Variants in DCAF10 observed in about 807,000 individuals in gnomAD.
DCAF10 encodes the protein DDB1- and CUL4-associated factor 10.
A neutral mutation model predicts 51.9 loss-of-function variants in DCAF10; 19 were observed. That is an observed-to-expected ratio of 0.37 (90% CI 0.26 to 0.54). DCAF10 has a LOEUF of 0.54. Ranked by LOEUF, DCAF10 falls within the 20% of genes least tolerant of loss-of-function variation. The probability of loss-of-function intolerance (pLI) is 0.87; values close to 1 mark genes in which losing one functional copy is unlikely to be tolerated. For synonymous variants in DCAF10, 291 were observed against 297.1 expected, an observed-to-expected ratio of 0.98 and a Z score of 0.21; for missense variants, 510 against 730.6, an observed-to-expected ratio of 0.70 and a Z score of 3.48.
At chr9:37,843,051 A>G (rs1830379602) in intron 3 of DCAF10, among the ~76,000 whole-genome samples, 3 of 152,272 alleles carry the variant, frequency 2.0e-5, no homozygotes, top group Middle Eastern at 3.4e-3. Flanking sequence ...AGGGTCTCGC[A>G]TTGTCACCCA....
At chr9:37,845,365 A>G (rs1830445193) in intron 3 of DCAF10, among the ~76,000 whole-genome samples, 1 of 152,210 alleles carries the variant, frequency 6.6e-6, no homozygotes, top group South Asian at 2.1e-4. Flanking sequence ...CAAGAGAAAA[A>G]AGACATAAAT....
intron 3 of DCAF10, among the ~76,000 whole-genome samples, chr9:37,852,060 C>A (rs1830666901): frequency 6.6e-6 from 1 of 151,810 alleles, no homozygotes; most frequent in African/African-American, 2.4e-5. Context: ...TCAAATGAAT[C>A]CCAGTAAAGA....
At chr9:37,852,930 TTATA>T (rs59469290) in intron 3 of DCAF10, among the ~76,000 whole-genome samples, 1,116 of 109,738 alleles carry the variant, frequency 0.01, 14 homozygotes, top group Middle Eastern at 0.014. Flanking sequence ...GTATGTGAGG[TTATA>T]TATATATATA....
intron 3 of DCAF10, among the ~76,000 whole-genome samples, chr9:37,852,867 A>G (rs1193540307): frequency 3.3e-5 from 5 of 150,052 alleles, no homozygotes; most frequent in Non-Finnish European, 7.4e-5. Flanking sequence ...GTTATTATAT[A>G]TAATTGAAAT....
At chr9:37,842,818 AG>A (rs904260895) in intron 3 of DCAF10, among the ~76,000 whole-genome samples, 3 of 152,220 alleles carry the variant, frequency 2.0e-5, no homozygotes, top group African/African-American at 7.2e-5. Flanking sequence ...TACACAGGTC[AG>A]TGTGCACAGT....
At chr9:37,839,065 C>CTT (rs138919253) in intron 2 of DCAF10, among the ~76,000 whole-genome samples, 19,069 of 148,680 alleles carry the variant, frequency 0.13, 1,352 homozygotes, top group Non-Finnish European at 0.16. Context: ...TTTTCTTTTT[C>CTT]TTTTTTTTGA....
Position 37,829,306 on chromosome 9 carries a change from C to T in DCAF10, c.653+9905C>T, listed in dbSNP as rs13440073. Among the ~76,000 whole-genome samples, 11 of 151,790 alleles carry T rather than the reference C, an allele frequency of 7.2e-5. No homozygotes were observed. Among genetic ancestry groups the T allele is most frequent in the Admixed American group, 2.0e-4 (3 of 15,246 alleles). ...AATACAAAAATTAGCCGGGCATGGT[C>T]GTGCATGCCTGTAATCCCAGCTACT... On this transcript the variant is annotated intron_variant, in intron 2 of 6. Coordinates refer to ENST00000377724, the MANE Select transcript of DCAF10 (RefSeq NM_024345.5). This position sits in a 1 kb window ranked among gnomAD's most constrained non-coding sequence, Gnocchi z 4.2.
Position 37,861,315 on chromosome 9 carries a change from G to A in DCAF10, c.1487G>A (p.Arg496His). ...MISSPHGYGI[R>H]LLGFDKQCSE... ...TCTTCCCCACATGGCTATGGGATTC[G>A]CTTGTTGGGATTTGACAAACAGTGC... is the stretch of plus-strand genomic sequence containing the variant. Residue 496 changes from arginine (R) to histidine (H), a missense_variant, in exon 7 of 7, where the codon CGC becomes CAC. Transcript: ENST00000377724. The surrounding 1 kb of genome is among the most constrained non-coding windows in gnomAD (Gnocchi z 4.9). The A allele has an allele frequency of 1.2e-6, 2 of 1,614,188 alleles. No homozygotes were observed. Among genetic ancestry groups the A allele is most frequent in the Non-Finnish European group, 1.7e-6 (2 of 1,180,034 alleles).
At chr9:37,855,040 G>A (rs1830806284) in intron 4 of DCAF10, 58 bp downstream of exon 4, 3 of 1,465,252 alleles carry the variant, frequency 2.0e-6, no homozygotes, top group East Asian at 4.6e-5. Flanking sequence ...ACATAGAGAT[G>A]GTATAGGTTT....
intron 2 of DCAF10, among the ~76,000 whole-genome samples, chr9:37,835,624 G>A (rs930001485): frequency 2.0e-5 from 3 of 151,766 alleles, no homozygotes; most frequent in Non-Finnish European, 4.4e-5. Flanking sequence ...TGTAATCCCA[G>A]CTACTTAGGA....
intron 3 of DCAF10, among the ~76,000 whole-genome samples, chr9:37,847,324 C>T (rs1488385471): frequency 6.9e-6 from 1 of 144,994 alleles, no homozygotes; most frequent in East Asian, 2.1e-4. Flanking sequence ...ATGGAAAAAT[C>T]CTCAACAAAA....
In DCAF10 at chr9:37,817,033, T is replaced by C. The variant is rs1003812488; in HGVS notation, c.540-2255T>C. On this transcript the variant is annotated intron_variant, in intron 1 of 6. Coordinates refer to ENST00000377724, the MANE Select transcript of DCAF10 (RefSeq NM_024345.5). ...ATCATAAGCCTTCTAGAAATTAAGA[T>C]AGTGTGATGTTGCATAGAATACCAA... Among the ~76,000 whole-genome samples, 6 of 152,272 alleles carry C rather than the reference T, an allele frequency of 3.9e-5. No homozygotes were observed. The East Asian group carries it at 7.7e-4, about 20-fold the overall frequency.
chr9:37,856,860 T>A (rs1275049352), intron 4 of DCAF10, among the ~76,000 whole-genome samples: 1 of 152,226 alleles, frequency 6.6e-6, no homozygotes, highest in Non-Finnish European at 1.5e-5. Flanking sequence ...GAAGAATCTC[T>A]TCATGTTTCT....
chr9:37,800,673 TC>T (rs201866901), upstream of DCAF10: 3,712 of 1,536,076 alleles, frequency 2.4e-3, 70 homozygotes, highest in African/African-American at 0.044. Flanking sequence ...CTACCTCCGT[TC>T]CCGGGACTGC....
chr9:37,853,093 A>C (rs1830732698), intron 3 of DCAF10, among the ~76,000 whole-genome samples: 1 of 150,024 alleles, frequency 6.7e-6, no homozygotes. Context: ...CGGAGTTCAC[A>C]GTAAGCCAAG....
Position 37,861,160 on chromosome 9 carries a change from C to A in DCAF10, c.1332C>A (p.Phe444Leu). 2 of 1,602,382 alleles carry A rather than the reference C, an allele frequency of 1.2e-6. No homozygotes were observed. The highest frequency in any genetic ancestry group is 1.3e-5 in the African/African-American group (1 of 74,772). ...DDEECTCVYE[F>L]QEGAPVRPVS... ...CCTAGTGTACTTGTGTCTATGAATT[C>A]CAAGAAGGAGCTCCAGTGCGACCTG... Residue 444 changes from phenylalanine to leucine, a missense_variant, in exon 7 of 7, where the codon TTC becomes TTA. Physicochemically the swap from Phe to Leu is conservative, Grantham distance 22 (BLOSUM62 0). Around this residue, in one of 4 missense-constraint regions of DCAF10, gnomAD observed 104 missense variants for 206.2 expected, o/e 0.50. Transcript: ENST00000377724. This position sits in a 1 kb window ranked among gnomAD's most constrained non-coding sequence, Gnocchi z 4.9.
intron 3 of DCAF10, among the ~76,000 whole-genome samples, chr9:37,853,457 A>T (rs1830752288): frequency 6.6e-6 from 1 of 152,048 alleles, no homozygotes; most frequent in African/African-American, 2.4e-5. Context: ...CTTCAGAAAG[A>T]AAGGATCAAA....
intron 2 of DCAF10, among the ~76,000 whole-genome samples, chr9:37,832,432 T>C (rs1830036091): frequency 6.6e-6 from 1 of 151,314 alleles, no homozygotes; most frequent in Admixed American, 6.6e-5. Context: ...CATGCCAGCC[T>C]GGGCAACAAG....
At chr9:37,827,930 A>T (rs750307429) in intron 2 of DCAF10, among the ~76,000 whole-genome samples, 36 of 152,092 alleles carry the variant, frequency 2.4e-4, no homozygotes, top group Non-Finnish European at 4.6e-4. Flanking sequence ...TATTTTAGAG[A>T]CAGAGTCCCA....
Sources: allele counts gnomAD v4.1 joint callset (sites outside exome capture counted in the v4.1 genomes callset), GRCh38; gene constraint gnomAD v4.1.1; regional missense constraint gnomAD v4.1.1; non-coding constraint Gnocchi (gnomAD v3.1); transcripts MANE v1.5; gene names NCBI Gene and HGNC (gene_info 2026-07-23, HGNC 2026-07-21).